GRIP1: variants seen among roughly 807,000 people sequenced by gnomAD.
The protein encoded by GRIP1 is glutamate receptor interacting protein 1.
A neutral mutation model predicts 129.9 loss-of-function variants in GRIP1; 45 were observed. The ratio of observed to expected loss-of-function variants is 0.35; its 90% CI spans 0.27 to 0.44. The LOEUF (loss-of-function observed/expected upper bound fraction) is 0.44, where lower values mean the gene tolerates loss of function less well. Among genes scored for constraint, GRIP1 ranks in the 20% least tolerant of loss-of-function variants. GRIP1 has a pLI of 1.00. For synonymous variants in GRIP1, 530 were observed against 520.8 expected, an observed-to-expected ratio of 1.02 and a Z score of -0.24; for missense variants, 1,196 against 1,396.8, an observed-to-expected ratio of 0.86 and a Z score of 2.29.
chr12:67,046,390 C>A (rs982769307), intron 1 of GRIP1, among the ~76,000 whole-genome samples: 2 of 152,190 alleles, frequency 1.3e-5, no homozygotes, highest in African/African-American at 4.8e-5. Context: ...CCCTTCCATA[C>A]AAGATTCCTG....
At chr12:66,701,281 C>T (rs1041437397) in intron 1 of GRIP1, among the ~76,000 whole-genome samples, 1 of 152,180 alleles carries the variant, frequency 6.6e-6, no homozygotes, top group Non-Finnish European at 1.5e-5. Flanking sequence ...ATTGCTTACT[C>T]TGATGCTTTT....
intron 1 of GRIP1, among the ~76,000 whole-genome samples, chr12:66,778,366 T>C (rs1413491801): frequency 6.6e-6 from 1 of 152,212 alleles, no homozygotes; most frequent in African/African-American, 2.4e-5. Context: ...TTGCTTTTAC[T>C]TAACTTCTCT....
chr12:66,738,650 G>A (rs1385885074), intron 1 of GRIP1, among the ~76,000 whole-genome samples: 1 of 152,184 alleles, frequency 6.6e-6, no homozygotes, highest in Non-Finnish European at 1.5e-5. Flanking sequence ...TGGGTCAGAA[G>A]GAGCAAAAGG....
intron 1 of GRIP1, among the ~76,000 whole-genome samples, chr12:66,752,933 G>A (rs990661919): frequency 6.6e-6 from 1 of 151,946 alleles, no homozygotes; most frequent in African/African-American, 2.4e-5. Context: ...ATAAATTTTA[G>A]CCAAGAAAAT....
At chr12:66,907,363 T>C (rs1193034046) in intron 1 of GRIP1, among the ~76,000 whole-genome samples, 1 of 152,198 alleles carries the variant, frequency 6.6e-6, no homozygotes, top group African/African-American at 2.4e-5. Context: ...ATTGGAAATA[T>C]AGCATTGAAC....
intron 1 of GRIP1, among the ~76,000 whole-genome samples, chr12:66,765,225 T>C (rs2037597471): frequency 6.6e-6 from 1 of 152,138 alleles, no homozygotes; most frequent in Non-Finnish European, 1.5e-5. Context: ...TCTGAAACTC[T>C]TAAAGTTGAA....
chr12:66,619,822 T>G (rs976337389), intron 1 of GRIP1, among the ~76,000 whole-genome samples: 5 of 152,174 alleles, frequency 3.3e-5, no homozygotes, highest in African/African-American at 1.2e-4. Context: ...AAATTCTGCA[T>G]GTACAGAGGG....
intron 1 of GRIP1, among the ~76,000 whole-genome samples, chr12:66,861,571 T>C (rs1438642919): frequency 6.6e-6 from 1 of 152,114 alleles, no homozygotes; most frequent in Non-Finnish European, 1.5e-5. Flanking sequence ...AAAGGCTGAA[T>C]ACAGAAATCC....
chr12:66,709,586 G>T (rs1320844456), intron 1 of GRIP1, among the ~76,000 whole-genome samples: 4 of 151,872 alleles, frequency 2.6e-5, no homozygotes, highest in Non-Finnish European at 5.9e-5. Context: ...TTGGGCGGGG[G>T]TAGCCTATGT....
At chr12:66,905,136 T>C (rs1000630857) in intron 1 of GRIP1, among the ~76,000 whole-genome samples, 1 of 152,220 alleles carries the variant, frequency 6.6e-6, no homozygotes, top group African/African-American at 2.4e-5. Context: ...ATTTTCAAAA[T>C]TGTAATATAT....
chr12:66,379,146 C>T (rs2055972343), intron 20 of GRIP1, 134 bp downstream of exon 20: 2 of 1,025,118 alleles, frequency 2.0e-6, no homozygotes, highest in South Asian at 2.6e-5. Context: ...TGCCATGTGG[C>T]CAGCATGGAT....
intron 1 of GRIP1, among the ~76,000 whole-genome samples, chr12:66,785,339 C>CATATATATATATATATATATAT (rs1242812457): frequency 5.0e-3 from 180 of 36,344 alleles, no homozygotes; most frequent in Middle Eastern, 0.019. Context: ...TACATACATA[C>CATATATATATATATATATATAT]ATACATATAT....
intron 7 of GRIP1, among the ~76,000 whole-genome samples, chr12:66,482,482 A>T (rs2059833581): frequency 6.6e-6 from 1 of 152,214 alleles, no homozygotes; most frequent in South Asian, 2.1e-4. Context: ...ACAGAAGGGA[A>T]TCTACGAATG....
chr12:66,853,435 G>T (rs916183097), intron 1 of GRIP1, among the ~76,000 whole-genome samples: 1 of 151,918 alleles, frequency 6.6e-6, no homozygotes, highest in East Asian at 1.9e-4. Context: ...CTTCATTTTT[G>T]AAAATTTATC....
chr12:66,396,711 A>T (rs2056801700), intron 16 of GRIP1, among the ~76,000 whole-genome samples: 1 of 152,234 alleles, frequency 6.6e-6, no homozygotes, highest in Non-Finnish European at 1.5e-5. Context: ...TCCTGTGATT[A>T]CATTGGGGTG....
chr12:66,832,872 G>C (rs544771485), intron 1 of GRIP1, among the ~76,000 whole-genome samples: 153 of 152,268 alleles, frequency 1.0e-3, no homozygotes, highest in African/African-American at 3.1e-3. Flanking sequence ...GAAGATCTTT[G>C]ATGCTATCAA....
At chr12:66,808,228 G>A (rs1229011128), upstream of GRIP1, among the ~76,000 whole-genome samples, 1 of 152,072 alleles carries the variant, frequency 6.6e-6, no homozygotes, top group South Asian at 2.1e-4. Flanking sequence ...TTCACAGAAT[G>A]GCAGTTTATC....
chr12:66,403,451 C>T (rs185675284), intron 16 of GRIP1, among the ~76,000 whole-genome samples: 2 of 152,074 alleles, frequency 1.3e-5, no homozygotes, highest in African/African-American at 4.8e-5. Context: ...AATTCAGATA[C>T]TCAAATTATA....
intron 1 of GRIP1, among the ~76,000 whole-genome samples, chr12:66,728,779 A>G (rs1348576485): frequency 6.6e-6 from 1 of 152,172 alleles, no homozygotes; most frequent in African/African-American, 2.4e-5. Context: ...GTACACCAAG[A>G]CAAGAACTTT....
Sources: gnomAD v4.1 joint callset for allele counts (sites outside exome capture counted in the v4.1 genomes callset) on GRCh38, gnomAD v4.1.1 for gene constraint, MANE v1.5 for transcripts, NCBI Gene and HGNC (gene_info 2026-07-23, HGNC 2026-07-21) for gene names.